The following FBN2 variants were observed in gnomAD, a reference collection of about 807,000 sequenced individuals.
FBN2 encodes fibrillin 2, also known as fibrillin-2.
A neutral mutation model predicts 355.6 loss-of-function variants in FBN2; 105 were observed. The observed-to-expected ratio is 0.30, with a 90% CI of 0.25 to 0.35. FBN2 has a LOEUF of 0.35. Among genes scored for constraint, FBN2 ranks in the 10% least tolerant of loss-of-function variants. The probability of loss-of-function intolerance (pLI) is 1.00; values close to 1 mark genes in which losing one functional copy is unlikely to be tolerated. For synonymous variants in FBN2, 1,350 were observed against 1,301.2 expected (o/e 1.04, Z -0.81); for missense variants, 3,280 against 3,758.7 (o/e 0.87, Z 3.33).
intron 5 of FBN2, among the ~76,000 whole-genome samples, chr5:128,473,547 C>A (rs1461192526): frequency 6.6e-6 from 1 of 152,176 alleles, no homozygotes; most frequent in Non-Finnish European, 1.5e-5. Flanking sequence ...CCTTTGAGAT[C>A]CATTTCACTC....
chr5:128,434,394 G>GTATATATGTATATATATATATATATATA (rs1753715557), intron 7 of FBN2, among the ~76,000 whole-genome samples: 1 of 91,678 alleles, frequency 1.1e-5, no homozygotes, highest in South Asian at 3.8e-4. Flanking sequence ...AATAAAGTGT[G>GTATATATGTATATATATATATATATATA]TATATATATA....
At chr5:128,331,451 C>T (rs1316890985) in intron 32 of FBN2, among the ~76,000 whole-genome samples, 2 of 152,092 alleles carry the variant, frequency 1.3e-5, no homozygotes, top group Non-Finnish European at 2.9e-5. Flanking sequence ...CAGAATGCAC[C>T]AGACAGAGGG....
chr5:128,503,277 A>C (rs926478165), intron 5 of FBN2, among the ~76,000 whole-genome samples: 1 of 152,180 alleles, frequency 6.6e-6, no homozygotes, highest in Non-Finnish European at 1.5e-5. Flanking sequence ...TTCCTTTATA[A>C]ATCACCCAGT....
intron 8 of FBN2, among the ~76,000 whole-genome samples, chr5:128,406,993 A>G (rs1475859534): frequency 6.6e-6 from 1 of 152,250 alleles, no homozygotes; most frequent in Non-Finnish European, 1.5e-5. Flanking sequence ...ACTCTGATTC[A>G]TCTGTAAAAC....
In FBN2 at chr5:128,313,132, A is replaced by G. The variant is rs72785117; in HGVS notation, c.4718-337T>C. Among the ~76,000 whole-genome samples, 356 of 152,370 alleles carry G rather than the reference A, an allele frequency of 2.3e-3. 2 individuals are homozygous for G. Among genetic ancestry groups the G allele is most frequent in the Non-Finnish European group, 3.9e-3 (266 of 68,032 alleles). On this transcript the variant is annotated intron_variant, in intron 36 of 64. Coordinates refer to ENST00000262464, the MANE Select transcript of FBN2 (RefSeq NM_001999.4). The stretch of plus-strand genomic sequence containing the variant: ...TACATTTTTTGTATAATTAATCTAT[A>G]TCACGAGTTTATCCAATGGTTTAGT...
At chr5:128,443,512 G>A (rs1432724225) in intron 7 of FBN2, among the ~76,000 whole-genome samples, 2 of 152,084 alleles carry the variant, frequency 1.3e-5, no homozygotes, top group African/African-American at 4.8e-5. Context: ...TTCAAGGGTT[G>A]GAGTGAGATA....
rs930920625 is a variant in FBN2, at chr5:128,351,388, T to A, written c.2675-383A>T. 2.0e-5 allele frequency among the ~76,000 whole-genome samples: 3 copies of A among 151,800 alleles called. 1 individual carries two copies. Among genetic ancestry groups the A allele is most frequent in the South Asian group, 4.2e-4 (2 of 4,804 alleles). ...ATGGTGAAACCCCGTCTCTACTAAATATACAAAAATTAGCCAGGCTTGGTG... is the reference window on the plus strand; with the variant it reads ...ATGGTGAAACCCCGTCTCTACTAAAAATACAAAAATTAGCCAGGCTTGGTG... On this transcript the variant is annotated intron_variant, in intron 20 of 64. Transcript: ENST00000262464.
chr5:128,314,159 A>G (rs779176683), intron 36 of FBN2, among the ~76,000 whole-genome samples: 1 of 152,170 alleles, frequency 6.6e-6, no homozygotes. Context: ...TCTACAAAGT[A>G]ATTTTCATCC....
At chr5:128,433,526 TG>T (rs1753678984) in intron 7 of FBN2, among the ~76,000 whole-genome samples, 1 of 152,194 alleles carries the variant, frequency 6.6e-6, no homozygotes, top group South Asian at 2.1e-4. Context: ...CTATTACTAA[TG>T]GGAAAAGCAA....
intron 5 of FBN2, among the ~76,000 whole-genome samples, chr5:128,495,769 A>G (rs1755640316): frequency 6.6e-6 from 1 of 152,136 alleles, no homozygotes; most frequent in South Asian, 2.1e-4. Flanking sequence ...ACCTCTATAA[A>G]AAAGAGAAGA....
intron 5 of FBN2, among the ~76,000 whole-genome samples, chr5:128,483,239 T>C (rs2127112824): frequency 6.6e-6 from 1 of 152,302 alleles, no homozygotes; most frequent in South Asian, 2.1e-4. Context: ...GGATCAATCA[T>C]ATCCCAAACC....
chr5:128,350,688 C>G (rs1275920808), intron 21 of FBN2, among the ~76,000 whole-genome samples, 180 bp downstream of exon 21: 1 of 152,146 alleles, frequency 6.6e-6, no homozygotes, highest in Admixed American at 6.5e-5. Flanking sequence ...TGCTTATGTA[C>G]CAGGATAAAA....
At chr5:128,280,982 T>A (rs372751431) in intron 55 of FBN2, among the ~76,000 whole-genome samples, 60 of 152,224 alleles carry the variant, frequency 3.9e-4, no homozygotes, top group African/African-American at 1.3e-3. Flanking sequence ...GTTAGGAGCA[T>A]AAGAGAGCGC....
chr5:128,436,074 C>T (rs1203934499), intron 7 of FBN2, among the ~76,000 whole-genome samples: 2 of 152,168 alleles, frequency 1.3e-5, no homozygotes, highest in African/African-American at 4.8e-5. Context: ...TTAACTAACA[C>T]CGTCAAGGTG....
intron 16 of FBN2, among the ~76,000 whole-genome samples, chr5:128,367,054 T>C (rs1378192646): frequency 6.6e-6 from 1 of 152,172 alleles, no homozygotes; most frequent in African/African-American, 2.4e-5. Flanking sequence ...CATAGAGGTA[T>C]CACATTTATT....
chr5:128,282,710 C>G (rs934249642), intron 55 of FBN2, among the ~76,000 whole-genome samples: 2 of 152,122 alleles, frequency 1.3e-5, no homozygotes, highest in African/African-American at 4.8e-5. Flanking sequence ...AGTGATGTTG[C>G]TCTACCTAAA....
At chr5:128,530,441 T>A (rs1262086596) in intron 3 of FBN2, among the ~76,000 whole-genome samples, 154 bp downstream of exon 3, 1 of 152,220 alleles carries the variant, frequency 6.6e-6, no homozygotes, top group Non-Finnish European at 1.5e-5. Flanking sequence ...TTTGCTATTC[T>A]GTAAAATGGG....
At position 128,357,269 on chromosome 5, in the gene FBN2, A is replaced by C; in HGVS notation, c.2674+7T>G. 1 of 1,613,784 alleles carries C rather than the reference A, an allele frequency of 6.2e-7. No individual in the cohort carries two copies. The highest frequency in any genetic ancestry group is 1.1e-5 in the South Asian group (1 of 91,076). On this transcript the variant is annotated splice_region_variant and intron_variant, in intron 20 of 64. Coordinates refer to ENST00000262464, the MANE Select transcript of FBN2 (RefSeq NM_001999.4). Reference sequence around the variant, plus strand: ...ATTGAAGCATCAGTATTGTGTATGAATCTTACCAATACAGATCAATCCTGT... The same window carrying C: ...ATTGAAGCATCAGTATTGTGTATGACTCTTACCAATACAGATCAATCCTGT...
chr5:128,442,202 C>A, intron 7 of FBN2: 1 of 407,656 alleles, frequency 2.5e-6, no homozygotes. Flanking sequence ...CAACTATCTG[C>A]CACATAAAGA....
Sources: allele counts gnomAD v4.1 joint callset (sites outside exome capture counted in the v4.1 genomes callset), GRCh38; gene constraint gnomAD v4.1.1; transcripts MANE v1.5; gene names NCBI Gene and HGNC (gene_info 2026-07-23, HGNC 2026-07-21).